RBMS3: variants seen among roughly 807,000 people sequenced by gnomAD.
The protein encoded by RBMS3 is RNA-binding motif, single-stranded-interacting protein 3.
In RBMS3, 27 loss-of-function variants were observed where a neutral mutation model predicts 66.8. That is an observed-to-expected ratio of 0.40 (90% confidence interval 0.30 to 0.56). The LOEUF is 0.56. Ranked by LOEUF, RBMS3 falls within the 20% of genes least tolerant of loss-of-function variation. The probability of loss-of-function intolerance (pLI) is 0.40; values close to 1 mark genes in which losing one functional copy is unlikely to be tolerated. For missense variants in RBMS3, 513 were observed against 549.5 expected, an observed-to-expected ratio of 0.93 and a Z score of 0.66; for synonymous variants, 188 against 183.0, an observed-to-expected ratio of 1.03 and a Z score of -0.22.
rs1699844246 is a variant in RBMS3 at position 30,007,764 on chromosome 3, A to T, written c.*3902A>T. ...TCTACCTGACTCTAGTTTTGCGAGG[A>T]TTAGTTTGTTTCCTTGGTAGATTTC... is the stretch of plus-strand genomic sequence containing the variant. On this transcript the variant is annotated 3_prime_UTR_variant, in exon 15 of 15. Transcript: ENST00000383767. 2.6e-5 allele frequency: 4 copies of T among 151,994 alleles called. No individual in the cohort carries two copies. The allele number at this position is 151,994 out of a possible 1,614,324, so 9.4% of individuals were successfully genotyped here.
At chr3:29,408,863 A>G (rs150687950) in intron 1 of RBMS3, among the ~76,000 whole-genome samples, 173 of 152,284 alleles carry the variant, frequency 1.1e-3, no homozygotes, top group Non-Finnish European at 1.4e-3. Flanking sequence ...TCTCTGGTGA[A>G]CTTATATTAG....
At chr3:29,668,203 G>A (rs985149876) in intron 4 of RBMS3, among the ~76,000 whole-genome samples, 1 of 152,224 alleles carries the variant, frequency 6.6e-6, no homozygotes, top group African/African-American at 2.4e-5. Flanking sequence ...GGAGAAAAGA[G>A]CAAAGGATGA....
chr3:29,712,678 A>G (rs141837006), intron 4 of RBMS3, among the ~76,000 whole-genome samples: 2 of 152,294 alleles, frequency 1.3e-5, no homozygotes, highest in African/African-American at 4.8e-5. Context: ...GACAGGCTTT[A>G]TATAACCTGC....
intron 6 of RBMS3, among the ~76,000 whole-genome samples, chr3:29,775,271 T>A (rs949411301): frequency 7.3e-5 from 11 of 151,562 alleles, no homozygotes; most frequent in South Asian, 2.1e-4. Context: ...ATTTATTTTT[T>A]TTTTTTGGTA....
intron 4 of RBMS3, among the ~76,000 whole-genome samples, chr3:29,699,437 G>A (rs1315859956): frequency 2.6e-5 from 4 of 152,132 alleles, no homozygotes; most frequent in South Asian, 2.1e-4. Flanking sequence ...GTGAGCCACC[G>A]TGCCTGTCCT....
intron 6 of RBMS3, among the ~76,000 whole-genome samples, chr3:29,856,827 A>T (rs1353848582): frequency 6.6e-6 from 1 of 152,168 alleles, no homozygotes; most frequent in East Asian, 1.9e-4. Context: ...GATTGCTTAG[A>T]TTGATTTATC....
chr3:29,885,846 G>T (rs2059857068), intron 8 of RBMS3, among the ~76,000 whole-genome samples: 1 of 151,678 alleles, frequency 6.6e-6, no homozygotes, highest in African/African-American at 2.4e-5. Flanking sequence ...GTATCTACTT[G>T]TGAAAAGTAC....
chr3:29,481,359 T>C (rs2043123596), intron 2 of RBMS3, among the ~76,000 whole-genome samples: 1 of 152,132 alleles, frequency 6.6e-6, no homozygotes, highest in African/African-American at 2.4e-5. Context: ...CATGGTTAGG[T>C]TCTAGAAGGC....
chr3:29,809,325 C>T (rs1488415175), intron 6 of RBMS3, among the ~76,000 whole-genome samples: 1 of 142,554 alleles, frequency 7.0e-6, no homozygotes, highest in Non-Finnish European at 1.5e-5. Context: ...ATTGACAGCA[C>T]TATGATCAGT....
intron 3 of RBMS3, among the ~76,000 whole-genome samples, chr3:29,551,891 G>C (rs1347774): frequency 2.6e-5 from 4 of 152,188 alleles, no homozygotes; most frequent in South Asian, 4.1e-4. Context: ...AGATAGAAAG[G>C]TTTGCCTTCC....
chr3:29,503,508 T>A (rs1341651152), intron 3 of RBMS3, among the ~76,000 whole-genome samples: 1 of 152,124 alleles, frequency 6.6e-6, no homozygotes, highest in East Asian at 1.9e-4. Flanking sequence ...TAACTACATT[T>A]CTTTCTTGCC....
rs185243698 is a variant in RBMS3, at chr3:29,624,561, A to C, written c.399+37356A>C. Among the ~76,000 whole-genome samples, 151 of 152,254 alleles carry C rather than the reference A, an allele frequency of 9.9e-4. 1 individual carries two copies. The highest frequency in any genetic ancestry group is 1.7e-3 in the Non-Finnish European group (114 of 68,024). ...TACTATGCTTTAGAATTCTTTTATG[A>C]ACTCTTTTTCTGATCACTGGGAAGA... On this transcript the variant is annotated intron_variant, in intron 4 of 14. Coordinates refer to ENST00000383767, the MANE Select transcript of RBMS3 (RefSeq NM_001003793.3).
intron 3 of RBMS3, among the ~76,000 whole-genome samples, chr3:29,502,227 A>ACAT (rs1264664660): frequency 6.6e-6 from 1 of 152,106 alleles, no homozygotes; most frequent in Non-Finnish European, 1.5e-5. Flanking sequence ...TGTTGAATGG[A>ACAT]CATCAAGTAA....
chr3:29,336,706 T>C (rs2035974521), intron 1 of RBMS3, among the ~76,000 whole-genome samples: 1 of 152,130 alleles, frequency 6.6e-6, no homozygotes, highest in Non-Finnish European at 1.5e-5. Flanking sequence ...AAAAAGATAT[T>C]ATTAGTCATT....
In RBMS3 at chr3:29,948,282, C is replaced by T. The variant is rs574123563; in HGVS notation, c.1098+4028C>T. On this transcript the variant is annotated intron_variant, in intron 12 of 14. Transcript: ENST00000383767. ...AGACAAAATTCACTGTTATAAACAG[C>T]ATGCACTTTCTCACATTGTTTTTGT... 5.3e-5 allele frequency among the ~76,000 whole-genome samples: 8 copies of T among 151,882 alleles called. No individual in the cohort carries two copies. The South Asian group carries it at 1.7e-3, about 31-fold the overall frequency.
intron 3 of RBMS3, among the ~76,000 whole-genome samples, chr3:29,521,460 C>A (rs1450324221): frequency 3.3e-5 from 5 of 152,154 alleles, no homozygotes; most frequent in Non-Finnish European, 7.4e-5. Context: ...ATGGTAGATA[C>A]TGGGAATACA....
At chr3:29,389,152 A>T (rs1383542766) in intron 1 of RBMS3, among the ~76,000 whole-genome samples, 1 of 151,940 alleles carries the variant, frequency 6.6e-6, no homozygotes, top group Non-Finnish European at 1.5e-5. Context: ...GGAAGATCTG[A>T]CTCTCACTGT....
chr3:29,967,132 G>A (rs1038787128), intron 12 of RBMS3, among the ~76,000 whole-genome samples: 1 of 152,130 alleles, frequency 6.6e-6, no homozygotes, highest in Non-Finnish European at 1.5e-5. Flanking sequence ...GTTCATCAAG[G>A]ATATCAGTCT....
At chr3:29,428,514 T>C (rs9854850) in intron 1 of RBMS3, among the ~76,000 whole-genome samples, 10,889 of 151,772 alleles carry the variant, frequency 0.072, 843 homozygotes, top group African/African-American at 0.19. Context: ...TGTTAAATAA[T>C]TTGCTTTACT....
Sources: gnomAD v4.1 joint callset for allele counts (sites outside exome capture counted in the v4.1 genomes callset) on GRCh38, gnomAD v4.1.1 for gene constraint, MANE v1.5 for transcripts, NCBI Gene and HGNC (gene_info 2026-07-23, HGNC 2026-07-21) for gene names.